The following RPAP2 variants were observed in gnomAD, a reference collection of about 807,000 sequenced individuals.
The protein encoded by RPAP2 is RNA polymerase II associated protein 2.
RPAP2 carries 52 observed loss-of-function variants against 73.1 expected under a neutral mutation model. That is an observed-to-expected ratio of 0.71 (90% CI 0.57 to 0.90). RPAP2 has a LOEUF of 0.90. Among genes scored for constraint, RPAP2 ranks in the 40% least tolerant of loss-of-function variants. The probability of loss-of-function intolerance (pLI) is 0.00; values close to 1 mark genes in which losing one functional copy is unlikely to be tolerated. For missense variants in RPAP2, 598 were observed against 701.8 expected, an observed-to-expected ratio of 0.85 and a Z score of 1.67; for synonymous variants, 225 against 242.1, an observed-to-expected ratio of 0.93 and a Z score of 0.65.
chr1:92,360,649 C>G (rs578247699), intron 11 of RPAP2, among the ~76,000 whole-genome samples: 1 of 152,124 alleles, frequency 6.6e-6, no homozygotes, highest in Admixed American at 6.6e-5. Context: ...TCTTTCCTAA[C>G]TCCTTTCACC....
At chr1:92,345,802 A>G (rs1653859122) in intron 10 of RPAP2, 44 bp from the exon 11 acceptor site, 1 of 1,192,702 alleles carries the variant, frequency 8.4e-7, no homozygotes, top group African/African-American at 1.5e-5. Flanking sequence ...TAGAAAGTTT[A>G]TTTAAAGGTA....
intron 11 of RPAP2, among the ~76,000 whole-genome samples, chr1:92,354,276 T>C (rs1236771076): frequency 2.6e-5 from 4 of 152,180 alleles, no homozygotes; most frequent in African/African-American, 9.7e-5. Context: ...GTGATAATCA[T>C]TGTGTGTGGA....
At chr1:92,326,647 G>A (rs1431458540) in intron 8 of RPAP2, among the ~76,000 whole-genome samples, 1 of 152,186 alleles carries the variant, frequency 6.6e-6, no homozygotes, top group African/African-American at 2.4e-5. Context: ...TGTTGTGGGG[G>A]ATGGGAGTGT....
rs374504821 is a variant in RPAP2, at chr1:92,304,268, A to G, written c.334-16A>G. On this transcript the variant is annotated splice_polypyrimidine_tract_variant and intron_variant, in intron 4 of 12. Coordinates refer to ENST00000610020, the MANE Select transcript of RPAP2 (RefSeq NM_024813.3). Reference sequence around the variant, plus strand: ...TTATTTGGATTCTTTTGTAAGCTGTACTTTCTTTTCTTTAGGTACCAAAAC... The same window carrying G: ...TTATTTGGATTCTTTTGTAAGCTGTGCTTTCTTTTCTTTAGGTACCAAAAC... The G allele has an allele frequency of 4.9e-6, 7 of 1,414,506 alleles. No individual in the cohort carries two copies. The highest frequency in any genetic ancestry group is 1.9e-5 in the Admixed American group (1 of 53,872). The allele number at this position is 1,414,506 out of a possible 1,614,324, so 87.6% of individuals were successfully genotyped here.
intron 11 of RPAP2, among the ~76,000 whole-genome samples, chr1:92,374,567 G>A (rs986682093): frequency 6.6e-6 from 1 of 152,132 alleles, no homozygotes; most frequent in Non-Finnish European, 1.5e-5. Flanking sequence ...CATTAGGGCA[G>A]TATGTGTCCT....
chr1:92,304,329 T>C lies in RPAP2; in HGVS notation c.379T>C (p.Tyr127His). The change falls in exon 5 of 13, where the codon TAT (tyrosine) becomes CAT (histidine). Residue 127 changes from tyrosine (Y) to histidine (H), a missense_variant. Tyr to His is a moderately conservative substitution (Grantham distance 83, BLOSUM62 2). This residue lies in a region of RPAP2 where 506 missense variants were observed against 612.8 expected (regional missense o/e 0.83). Transcript: ENST00000610020. ...YKISTKTNKV[Y>H]DITERKSFCS... ...AATTTCTACCAAAACCAATAAAGTC[T>C]ATGATATTACTGAAAGAAAGGTGAG... The C allele has an allele frequency of 6.6e-7, 1 of 1,524,372 alleles. No homozygotes were observed. Among genetic ancestry groups the C allele is most frequent in the Non-Finnish European group, 9.0e-7 (1 of 1,110,600 alleles). 94.4% of individuals were successfully genotyped at this position (1,524,372 alleles called of 1,614,324 possible).
intron 12 of RPAP2, among the ~76,000 whole-genome samples, chr1:92,382,335 G>A (rs539408632): frequency 5.9e-4 from 90 of 152,286 alleles, no homozygotes; most frequent in African/African-American, 2.1e-3. Flanking sequence ...GATCCCTGAG[G>A]AATCGCCACA....
At chr1:92,319,086 G>C (rs757855229) in intron 6 of RPAP2, among the ~76,000 whole-genome samples, 1 of 152,180 alleles carries the variant, frequency 6.6e-6, no homozygotes, top group Non-Finnish European at 1.5e-5. Flanking sequence ...AAATACCCCA[G>C]AGTGGAGATT....
chr1:92,383,118 A>G (rs1293282378), intron 12 of RPAP2, among the ~76,000 whole-genome samples: 8 of 152,112 alleles, frequency 5.3e-5, no homozygotes, highest in African/African-American at 1.4e-4. Flanking sequence ...GTTCTGTTCC[A>G]TTCATCTATA....
chr1:92,382,037 G>C (rs1038028162), intron 12 of RPAP2, among the ~76,000 whole-genome samples: 32 of 150,932 alleles, frequency 2.1e-4, no homozygotes, highest in African/African-American at 7.3e-4. Context: ...TTTTGTCCTT[G>C]TGATAGTTTG....
intron 3 of RPAP2, among the ~76,000 whole-genome samples, chr1:92,302,070 C>G (rs1650892639): frequency 6.6e-6 from 1 of 152,156 alleles, no homozygotes; most frequent in Non-Finnish European, 1.5e-5. Context: ...CACTTGAGGT[C>G]AGGAGTTCGA....
chr1:92,364,798 G>A (rs892177836), intron 11 of RPAP2, among the ~76,000 whole-genome samples: 1 of 152,092 alleles, frequency 6.6e-6, no homozygotes, highest in African/African-American at 2.4e-5. Flanking sequence ...CTTGCCGTGT[G>A]TCTCTTCATT....
intron 7 of RPAP2, among the ~76,000 whole-genome samples, chr1:92,323,042 C>A (rs915201418): frequency 7.0e-6 from 1 of 142,530 alleles, no homozygotes; most frequent in Non-Finnish European, 1.5e-5. Flanking sequence ...ATTTATATAT[C>A]TTTATATTTA....
In RPAP2 at chr1:92,391,921, C is replaced by A. The variant is rs1260440662; in HGVS notation, c.*4910C>A. ...CTACCAACCAAAAAAAGTCCAGGACCAGACGGATTCACAGCCAAATTCTAC... is the reference window on the plus strand; with the variant it reads ...CTACCAACCAAAAAAAGTCCAGGACAAGACGGATTCACAGCCAAATTCTAC... On this transcript the variant is annotated 3_prime_UTR_variant, in exon 13 of 13. Coordinates refer to ENST00000610020, the MANE Select transcript of RPAP2 (RefSeq NM_024813.3). The A allele has an allele frequency of 1.3e-5, 2 of 152,150 alleles. No homozygotes were observed. Among genetic ancestry groups the A allele is most frequent in the South Asian group, 2.1e-4 (1 of 4,830 alleles). The allele number at this position is 152,150 out of a possible 1,614,324, so 9.4% of individuals were successfully genotyped here.
intron 6 of RPAP2, among the ~76,000 whole-genome samples, chr1:92,320,010 A>AG (rs1376716583): frequency 6.6e-6 from 1 of 152,106 alleles, no homozygotes; most frequent in Non-Finnish European, 1.5e-5. Context: ...AAAAAAAAAA[A>AG]AAGAAAAAGA....
chr1:92,346,758 C>A (rs1653925202), intron 11 of RPAP2, among the ~76,000 whole-genome samples: 1 of 152,242 alleles, frequency 6.6e-6, no homozygotes, highest in East Asian at 1.9e-4. Flanking sequence ...TAAGAAACCA[C>A]TAGTGGTTTC....
At chr1:92,345,777 T>A in intron 10 of RPAP2, 69 bp from the exon 11 acceptor site, 2 of 961,626 alleles carry the variant, frequency 2.1e-6, no homozygotes, top group Non-Finnish European at 3.2e-6. Context: ...AAATCTGATG[T>A]TATCTAGAAA....
At chr1:92,320,659 C>A in intron 7 of RPAP2, 25 bp downstream of exon 7, 11 of 1,572,392 alleles carry the variant, frequency 7.0e-6, no homozygotes, top group South Asian at 1.1e-5. Context: ...GTATCATTTA[C>A]CATTTATATA....
rs1656270047 is a variant in RPAP2, at chr1:92,399,783, G to A, written c.*12772G>A. 1 of 151,972 alleles carries A rather than the reference G, an allele frequency of 6.6e-6. No individual in the cohort carries two copies. The highest frequency in any genetic ancestry group is 2.4e-5 in the African/African-American group (1 of 41,366). The allele number at this position is 151,972 out of a possible 1,614,324, so 9.4% of individuals were successfully genotyped here. ...ATTAACACATTATCCATCTTTGGGG[G>A]GAAAAAATACACTAAATTTTAGACA... On this transcript the variant is annotated 3_prime_UTR_variant, in exon 13 of 13. Transcript: ENST00000610020.
Sources: gnomAD v4.1 joint callset for allele counts (sites outside exome capture counted in the v4.1 genomes callset) on GRCh38, gnomAD v4.1.1 for gene constraint, gnomAD v4.1.1 regional missense constraint, MANE v1.5 for transcripts, NCBI Gene and HGNC (gene_info 2026-07-23, HGNC 2026-07-21) for gene names.